FCHSD2: variants seen among roughly 807,000 people sequenced by gnomAD.
FCHSD2 encodes F-BAR and double SH3 domains protein 2.
Under a neutral mutation model 108.1 loss-of-function variants are expected in FCHSD2, and 38 were observed. That is an observed-to-expected ratio of 0.35 (90% CI 0.27 to 0.46). The LOEUF is 0.46. Among genes scored for constraint, FCHSD2 ranks in the 20% least tolerant of loss-of-function variants. FCHSD2 has a pLI of 1.00. For synonymous variants in FCHSD2, 279 were observed against 314.7 expected, an observed-to-expected ratio of 0.89 and a Z score of 1.20; for missense variants, 751 against 897.8, an observed-to-expected ratio of 0.84 and a Z score of 2.09.
chr11:73,107,485 G>A (rs929926538), intron 2 of FCHSD2, among the ~76,000 whole-genome samples: 2 of 152,030 alleles, frequency 1.3e-5, no homozygotes, highest in Non-Finnish European at 2.9e-5. Context: ...AAGCATTTAC[G>A]CTTTGTGTTA....
intron 8 of FCHSD2, among the ~76,000 whole-genome samples, chr11:72,946,920 C>T (rs1019043947): frequency 2.0e-5 from 3 of 152,210 alleles, no homozygotes; most frequent in African/African-American, 7.2e-5. Flanking sequence ...TGCCTGCCAA[C>T]AAGGCAGCAC....
In FCHSD2 at chr11:72,867,954, T is replaced by A; in HGVS notation, c.1219A>T (p.Lys407Ter). The A allele has an allele frequency of 6.3e-7, 1 of 1,598,956 alleles. No homozygotes were observed. The highest frequency in any genetic ancestry group is 8.5e-7 in the Non-Finnish European group (1 of 1,172,692). Residue 407 changes from lysine (K) to a stop codon, truncating the protein, a stop_gained, in exon 13 of 20, where the codon AAG becomes TAG. Transcript: ENST00000409418. LOFTEE classifies it high-confidence loss of function. ...QIGVSVDTWL[K>*]SAMNQVMEEL... ...TCCATTACTTGGTTCATGGCACTCT[T>A]TAGCCATGTGTCCACAGAAACACCA... is the stretch of plus-strand genomic sequence containing the variant.
At chr11:72,888,779 C>T (rs754659297) in intron 11 of FCHSD2, among the ~76,000 whole-genome samples, 1 of 151,874 alleles carries the variant, frequency 6.6e-6, no homozygotes, top group Non-Finnish European at 1.5e-5. Flanking sequence ...CGCCCCCATG[C>T]CCGACTAATT....
chr11:72,947,204 G>A (rs1400818529), intron 8 of FCHSD2, among the ~76,000 whole-genome samples: 2 of 152,218 alleles, frequency 1.3e-5, no homozygotes. Context: ...TTTAAACCAA[G>A]TGGAAGACCT....
At position 73,082,354 on chromosome 11, in the gene FCHSD2, A is replaced by AG. The variant is rs1380978065; in HGVS notation, c.165+1340_165+1341insC. Among the ~76,000 whole-genome samples, 3 of 144,596 alleles carry AG rather than the reference A, an allele frequency of 2.1e-5. 1 individual carries two copies. The highest frequency in any genetic ancestry group is 4.0e-4 in the East Asian group (2 of 4,994). The allele number at this position is 144,596 out of a possible 152,430, so 94.9% of individuals were successfully genotyped here. A position where few individuals can be genotyped will look rare whatever the true frequency, so the allele number is the denominator to read the frequency against. On this transcript the variant is annotated intron_variant, in intron 3 of 19. Transcript: ENST00000409418. ...TTGTCCCAAAAAAAAAAAAAAAAAA[A>AG]AAAAAAAAGAAAAGAAAAAGCATTC...
intron 9 of FCHSD2, among the ~76,000 whole-genome samples, chr11:72,908,974 C>G (rs932021095): frequency 6.6e-6 from 1 of 151,972 alleles, no homozygotes; most frequent in African/African-American, 2.4e-5. Context: ...TTTATATGTC[C>G]TTTTTTGAGA....
chr11:73,048,027 T>C (rs1464219039), intron 3 of FCHSD2, among the ~76,000 whole-genome samples: 2 of 152,002 alleles, frequency 1.3e-5, no homozygotes, highest in Non-Finnish European at 2.9e-5. Context: ...CTTTAAGTAG[T>C]ACATACTGTG....
At chr11:72,942,670 TATTAAA>T (rs1276494838) in intron 8 of FCHSD2, among the ~76,000 whole-genome samples, 1 of 152,232 alleles carries the variant, frequency 6.6e-6, no homozygotes, top group African/African-American at 2.4e-5. Flanking sequence ...ATACATACTT[TATTAAA>T]ATTAAAAAGT....
Position 72,838,738 on chromosome 11 carries a change from C to A in FCHSD2, c.*53G>T, listed in dbSNP as rs1272818898. 3 of 1,488,128 alleles carry A rather than the reference C, an allele frequency of 2.0e-6. No individual in the cohort carries two copies. Among genetic ancestry groups the A allele is most frequent in the East Asian group, 4.8e-5 (2 of 41,400 alleles). The allele number at this position is 1,488,128 out of a possible 1,614,324, so 92.2% of individuals were successfully genotyped here. A position where few individuals can be genotyped will look rare whatever the true frequency, so the allele number is the denominator to read the frequency against. ...AAGGTGCCTAAAAAACAAGACTGGCCAAACTCCAAGCCTGGCCTTGATTGT... is the reference window on the plus strand; with the variant it reads ...AAGGTGCCTAAAAAACAAGACTGGCAAAACTCCAAGCCTGGCCTTGATTGT... On this transcript the variant is annotated 3_prime_UTR_variant, in exon 20 of 20. Transcript: ENST00000409418.
Position 72,887,465 on chromosome 11 carries a change from C to A in FCHSD2, c.1146+5G>T. 1 of 1,595,830 alleles carries A rather than the reference C, an allele frequency of 6.3e-7. No individual in the cohort carries two copies. Among genetic ancestry groups the A allele is most frequent in the South Asian group, 1.1e-5 (1 of 89,070 alleles). ...GCAAAATGCCACAATTAGCTGCCAC[C>A]TTACCTCTGCTTTACGAATATTTTC... is the stretch of plus-strand genomic sequence containing the variant. On this transcript the variant is annotated splice_donor_5th_base_variant and intron_variant, in intron 12 of 19. Coordinates refer to ENST00000409418, the MANE Select transcript of FCHSD2 (RefSeq NM_014824.3).
intron 12 of FCHSD2, among the ~76,000 whole-genome samples, chr11:72,877,018 C>T (rs1210732827): frequency 6.6e-6 from 1 of 151,168 alleles, no homozygotes; most frequent in Non-Finnish European, 1.5e-5. Context: ...GTTGTCTACG[C>T]TGCAGTGCAG....
chr11:73,057,634 C>T (rs566966443), intron 3 of FCHSD2, among the ~76,000 whole-genome samples: 174 of 152,234 alleles, frequency 1.1e-3, no homozygotes, highest in African/African-American at 3.8e-3. Flanking sequence ...GGCTCCATTT[C>T]CCTTTCAACA....
At chr11:72,939,689 G>A (rs1856377061) in intron 8 of FCHSD2, among the ~76,000 whole-genome samples, 1 of 136,592 alleles carries the variant, frequency 7.3e-6, no homozygotes, top group Admixed American at 8.6e-5. Flanking sequence ...TACAATCTAG[G>A]CTCACTGCAA....
intron 3 of FCHSD2, among the ~76,000 whole-genome samples, chr11:73,059,018 T>C (rs1298589281): frequency 1.3e-5 from 2 of 152,182 alleles, no homozygotes; most frequent in East Asian, 3.8e-4. Context: ...AATCATCCCA[T>C]TTTAGTTTTT....
chr11:72,896,407 C>A (rs1472819578), intron 10 of FCHSD2, among the ~76,000 whole-genome samples: 2 of 152,178 alleles, frequency 1.3e-5, no homozygotes, highest in African/African-American at 2.4e-5. Flanking sequence ...TCGCTTTGTC[C>A]TTTTTCACAG....
chr11:73,121,362 C>G (rs1192987291), intron 2 of FCHSD2, among the ~76,000 whole-genome samples: 1 of 152,040 alleles, frequency 6.6e-6, no homozygotes, highest in East Asian at 1.9e-4. Context: ...CCACTCTACA[C>G]AGATGAAGGA....
At chr11:73,073,793 C>T (rs1859486527) in intron 3 of FCHSD2, among the ~76,000 whole-genome samples, 2 of 152,094 alleles carry the variant, frequency 1.3e-5, no homozygotes, top group Admixed American at 6.5e-5. Flanking sequence ...AACTGGAAGA[C>T]CACATAAAAT....
intron 12 of FCHSD2, among the ~76,000 whole-genome samples, chr11:72,880,826 C>T (rs1855068407): frequency 6.6e-6 from 1 of 150,950 alleles, no homozygotes; most frequent in South Asian, 2.1e-4. Flanking sequence ...TGTGACTGTG[C>T]CACTGCACTC....
chr11:72,954,207 T>A (rs1387286939), intron 8 of FCHSD2, among the ~76,000 whole-genome samples: 1 of 139,798 alleles, frequency 7.2e-6, no homozygotes, highest in Non-Finnish European at 1.6e-5. Flanking sequence ...TTTTTTTTTT[T>A]TTTTTTTTTT....
Sources: gnomAD v4.1 joint callset for allele counts (sites outside exome capture counted in the v4.1 genomes callset) on GRCh38, gnomAD v4.1.1 for gene constraint, MANE v1.5 for transcripts, NCBI Gene and HGNC (gene_info 2026-07-23, HGNC 2026-07-21) for gene names.